NRXN3: variants seen among roughly 807,000 people sequenced by gnomAD.
NRXN3 encodes the protein neurexin 3.
NRXN3 carries 32 observed loss-of-function variants against 137.6 expected under a neutral mutation model. The observed-to-expected ratio is 0.23, with a 90% CI of 0.18 to 0.31. The LOEUF (loss-of-function observed/expected upper bound fraction) is 0.31. Ranked by LOEUF, NRXN3 falls within the 10% of genes least tolerant of loss-of-function variation. The pLI, the probability that NRXN3 is intolerant of heterozygous loss-of-function variation, is 1.00. For missense variants in NRXN3, 1,574 were observed against 2,062.5 expected (o/e 0.76, Z 4.59); for synonymous variants, 798 against 784.5 (o/e 1.02, Z -0.29).
intron 4 of NRXN3, among the ~76,000 whole-genome samples, chr14:78,484,104 G>A (rs2095522577): frequency 6.6e-6 from 1 of 151,900 alleles, no homozygotes; most frequent in Admixed American, 6.6e-5. Flanking sequence ...TCAAGAGGCA[G>A]AATTATTAAT....
chr14:78,803,773 C>A lies in NRXN3; in HGVS notation c.2198C>A (p.Thr733Asn). The A allele has an allele frequency of 6.2e-7, 1 of 1,614,062 alleles. No homozygotes were observed. The highest frequency in any genetic ancestry group is 8.5e-7 in the Non-Finnish European group (1 of 1,179,994). The change falls in exon 9 of 21, where the codon ACC (threonine) becomes AAC (asparagine). Residue 733 changes from threonine (T) to asparagine (N), a missense_variant. Physicochemically the swap from Thr to Asn is moderately conservative, Grantham distance 65. Around this residue, in one of 5 missense-constraint regions of NRXN3, gnomAD observed 718 missense variants for 887.6 expected, o/e 0.81. Coordinates refer to ENST00000335750, the MANE Select transcript of NRXN3 (RefSeq NM_001330195.2). The part of the protein sequence containing the change: ...VATTSRDSAD[T>N]LRLELDGGRV... ...ACGACCTCCAGGGACTCTGCCGACA[C>A]CCTGCGTCTGGAGCTGGATGGGGGG...
At chr14:78,262,893 T>C (rs1056043065) in intron 2 of NRXN3, among the ~76,000 whole-genome samples, 1 of 152,184 alleles carries the variant, frequency 6.6e-6, no homozygotes, top group Non-Finnish European at 1.5e-5. Flanking sequence ...CTTCACCTTT[T>C]ATTCCCATTT....
intron 15 of NRXN3, among the ~76,000 whole-genome samples, chr14:79,132,454 A>T (rs1596325362): frequency 6.6e-6 from 1 of 152,160 alleles, no homozygotes; most frequent in African/African-American, 2.4e-5. Context: ...TTAAATTTTG[A>T]TCACATTTTG....
chr14:78,331,643 G>A (rs962856289), intron 4 of NRXN3, among the ~76,000 whole-genome samples: 1 of 152,204 alleles, frequency 6.6e-6, no homozygotes, highest in African/African-American at 2.4e-5. Flanking sequence ...TCCTGGAACA[G>A]GTAGCCTGAG....
intron 15 of NRXN3, among the ~76,000 whole-genome samples, chr14:79,238,112 G>A (rs909554187): frequency 6.6e-5 from 10 of 152,086 alleles, no homozygotes; most frequent in African/African-American, 2.4e-4. Flanking sequence ...ATACATCACA[G>A]ATGAGTTCAG....
intron 20 of NRXN3, among the ~76,000 whole-genome samples, chr14:79,816,979 T>C (rs895538309): frequency 3.3e-5 from 5 of 152,204 alleles, no homozygotes; most frequent in African/African-American, 1.2e-4. Flanking sequence ...TCCTTCTAAT[T>C]TGACAAGATA....
intron 16 of NRXN3, among the ~76,000 whole-genome samples, chr14:79,472,735 A>G (rs1222367144): frequency 1.3e-5 from 2 of 152,164 alleles, no homozygotes; most frequent in African/African-American, 4.8e-5. Flanking sequence ...TATTGACCCC[A>G]CATCTAGGCT....
At chr14:79,457,132 G>C (rs1240629754) in intron 15 of NRXN3, among the ~76,000 whole-genome samples, 2 of 151,848 alleles carry the variant, frequency 1.3e-5, no homozygotes, top group East Asian at 3.9e-4. Flanking sequence ...CTGTATATAA[G>C]AGCAGAATCT....
At chr14:78,178,443 C>T (rs551819966) in intron 1 of NRXN3, among the ~76,000 whole-genome samples, 75 of 152,278 alleles carry the variant, frequency 4.9e-4, no homozygotes, top group African/African-American at 1.6e-3. Context: ...AAGGTGTCCC[C>T]GTTACCTTCT....
chr14:79,841,258 G>A (rs1436370618), intron 20 of NRXN3, among the ~76,000 whole-genome samples: 1 of 152,110 alleles, frequency 6.6e-6, no homozygotes, highest in Non-Finnish European at 1.5e-5. Flanking sequence ...TACATTCCCT[G>A]CAATGAAGAC....
intron 10 of NRXN3, among the ~76,000 whole-genome samples, chr14:78,866,656 C>G (rs1353123817): frequency 6.6e-6 from 1 of 151,720 alleles, no homozygotes; most frequent in African/African-American, 2.4e-5. Context: ...CCTATCATAG[C>G]TTCCAAAATT....
chr14:79,508,503 C>T lies in NRXN3; in HGVS notation c.3444+41101C>T, dbSNP rs532141178. ...CTCCCGGGTACAAGTGATTCTCCTG[C>T]CTCAGCCTCCCAAGTAACTGGGATT... On this transcript the variant is annotated intron_variant, in intron 16 of 20. Transcript: ENST00000335750. 4.7e-5 allele frequency among the ~76,000 whole-genome samples: 7 copies of T among 148,786 alleles called. No homozygotes were observed. The East Asian group carries it at 1.5e-3, about 31-fold the overall frequency.
chr14:78,493,152 C>T (rs532119639), intron 4 of NRXN3, among the ~76,000 whole-genome samples: 123 of 152,144 alleles, frequency 8.1e-4, no homozygotes, highest in Non-Finnish European at 1.5e-3. Context: ...GGATGCTGTG[C>T]GTTTTGTGTC....
At chr14:79,536,693 A>C (rs1294453909) in intron 16 of NRXN3, among the ~76,000 whole-genome samples, 1 of 152,004 alleles carries the variant, frequency 6.6e-6, no homozygotes, top group African/African-American at 2.4e-5. Context: ...CCCACTTATA[A>C]GTGAGAATAT....
At chr14:79,594,734 A>G (rs921726475) in intron 16 of NRXN3, among the ~76,000 whole-genome samples, 1 of 152,160 alleles carries the variant, frequency 6.6e-6, no homozygotes, top group African/African-American at 2.4e-5. Context: ...AGATAAGCTT[A>G]GAAACAGTGG....
At chr14:79,612,303 CAT>C (rs1284100226) in intron 16 of NRXN3, among the ~76,000 whole-genome samples, 1 of 152,156 alleles carries the variant, frequency 6.6e-6, no homozygotes, top group African/African-American at 2.4e-5. Context: ...TTGAATAGTA[CAT>C]GAGGACTCTC....
chr14:79,727,312 T>C (rs2098896529), intron 19 of NRXN3, among the ~76,000 whole-genome samples: 1 of 152,200 alleles, frequency 6.6e-6, no homozygotes, highest in Admixed American at 6.6e-5. Flanking sequence ...CAATCATGTA[T>C]GAGTAGCCGG....
intron 19 of NRXN3, among the ~76,000 whole-genome samples, chr14:79,775,393 C>T (rs573279629): frequency 5.6e-4 from 85 of 151,994 alleles, no homozygotes; most frequent in African/African-American, 1.9e-3. Context: ...CATTACTGTT[C>T]GCAGTCATCT....
intron 15 of NRXN3, among the ~76,000 whole-genome samples, chr14:79,218,788 T>C (rs1026601517): frequency 3.9e-5 from 6 of 152,134 alleles, no homozygotes; most frequent in Non-Finnish European, 5.9e-5. Flanking sequence ...GTGAGAAAAG[T>C]AAGATTGGAC....
Sources: gnomAD v4.1 joint callset for allele counts (sites outside exome capture counted in the v4.1 genomes callset) on GRCh38, gnomAD v4.1.1 for gene constraint, gnomAD v4.1.1 regional missense constraint, MANE v1.5 for transcripts, NCBI Gene and HGNC (gene_info 2026-07-23, HGNC 2026-07-21) for gene names.